RAB5A: variants seen among roughly 807,000 people sequenced by gnomAD.
The protein encoded by RAB5A is RAB5A, member RAS oncogene family, also known as ras-related protein Rab-5A.
A neutral mutation model predicts 25.7 loss-of-function variants in RAB5A; 8 were observed. That is an observed-to-expected ratio of 0.31 (90% confidence interval 0.18 to 0.56). The LOEUF is 0.56. RAB5A is among the 20% of genes least tolerant of loss of function. The pLI is 0.91. For missense variants in RAB5A, 192 were observed against 259.7 expected (o/e 0.74, Z 1.79); for synonymous variants, 98 against 89.8 (o/e 1.09, Z -0.52).
intron 5 of RAB5A, among the ~76,000 whole-genome samples, 181 bp from the exon 6 acceptor site, chr3:19,983,527 C>T (rs958539060): frequency 4.3e-4 from 65 of 152,128 alleles, no homozygotes; most frequent in African/African-American, 1.5e-3. Context: ...AATCAAACTC[C>T]CTAAGACAGC....
chr3:19,949,041 C>T (rs1011387141), intron 1 of RAB5A, among the ~76,000 whole-genome samples: 3 of 152,070 alleles, frequency 2.0e-5, no homozygotes, highest in African/African-American at 7.3e-5. Context: ...GTCACATCAG[C>T]TATGCAAGTT....
chr3:19,951,087 C>G (rs1290051935), intron 2 of RAB5A, 26 bp downstream of exon 2: 14 of 1,606,016 alleles, frequency 8.7e-6, no homozygotes, highest in Non-Finnish European at 1.2e-5. Flanking sequence ...TTCCCTGCTT[C>G]ATTTAATCGA....
chr3:19,947,554 GGGCCTGGAC>G (rs1696337725), intron 1 of RAB5A, 33 bp downstream of exon 1: 1 of 152,324 alleles, frequency 6.6e-6, no homozygotes, highest in South Asian at 2.1e-4. Flanking sequence ...TGCGCAGCGG[GGGCCTGGAC>G]CCCAGGTTAT....
intron 2 of RAB5A, among the ~76,000 whole-genome samples, chr3:19,967,291 A>C (rs991310859): frequency 6.6e-6 from 1 of 151,984 alleles, no homozygotes; most frequent in South Asian, 2.1e-4. Context: ...ATTACAGGCA[A>C]CCGCCACCAC....
At chr3:19,955,919 C>T (rs1381733294) in intron 2 of RAB5A, among the ~76,000 whole-genome samples, 5 of 151,820 alleles carry the variant, frequency 3.3e-5, no homozygotes, top group African/African-American at 1.2e-4. Flanking sequence ...GTTCATGCAA[C>T]TAACCTAGTT....
At chr3:19,970,289 G>C (rs183355029) in intron 2 of RAB5A, among the ~76,000 whole-genome samples, 1 of 152,230 alleles carries the variant, frequency 6.6e-6, no homozygotes, top group Admixed American at 6.5e-5. Flanking sequence ...TCTTCCCCTG[G>C]CTTACTGTTT....
At chr3:19,982,029 G>A (rs1696938445) in intron 5 of RAB5A, among the ~76,000 whole-genome samples, 2 of 151,690 alleles carry the variant, frequency 1.3e-5, no homozygotes, top group African/African-American at 4.8e-5. Context: ...GATCTTCAAG[G>A]CCAGGAGTTC....
At chr3:19,964,710 T>C (rs1255086671) in intron 2 of RAB5A, among the ~76,000 whole-genome samples, 2 of 152,050 alleles carry the variant, frequency 1.3e-5, no homozygotes, top group Admixed American at 1.3e-4. Context: ...GCCTCCCTGG[T>C]TCAAACGATT....
At position 19,950,886 on chromosome 3, in the gene RAB5A, T is replaced by G; in HGVS notation, c.-13T>G. The G allele has an allele frequency of 1.3e-6, 2 of 1,599,502 alleles. No homozygotes were observed. Among genetic ancestry groups the G allele is most frequent in the South Asian group, 2.2e-5 (2 of 89,446 alleles). On this transcript the variant is annotated 5_prime_UTR_variant, in exon 2 of 6. It adds an upstream start codon to the 5' untranslated region. Coordinates refer to ENST00000273047, the MANE Select transcript of RAB5A (RefSeq NM_004162.5). Reference sequence around the variant, plus strand: ...GAAGAGTCTGAAATTAGGGACTTATTTCAAATTTGGACATGGCTAGTCGAG... The same window carrying G: ...GAAGAGTCTGAAATTAGGGACTTATGTCAAATTTGGACATGGCTAGTCGAG...
At chr3:19,951,342 T>TA (rs1166756531) in intron 2 of RAB5A, 2 of 268,932 alleles carry the variant, frequency 7.4e-6, no homozygotes, top group Non-Finnish European at 1.4e-5. Flanking sequence ...TTTGACCTGA[T>TA]ACCTATTTCT....
At chr3:19,947,960 C>T (rs1364181024) in intron 1 of RAB5A, 1 of 152,228 alleles carries the variant, frequency 6.6e-6, no homozygotes, top group South Asian at 2.1e-4. Context: ...CAGGTGCTCT[C>T]CAAGCAGGAA....
chr3:19,969,049 T>TTG (rs1270105022), intron 2 of RAB5A, among the ~76,000 whole-genome samples: 2 of 141,324 alleles, frequency 1.4e-5, no homozygotes, highest in Non-Finnish European at 3.1e-5. Flanking sequence ...TTTTTGGTTT[T>TTG]TTTTTTTTTT....
intron 2 of RAB5A, among the ~76,000 whole-genome samples, chr3:19,955,621 C>T (rs904505869): frequency 1.3e-5 from 2 of 152,064 alleles, no homozygotes; most frequent in African/African-American, 2.4e-5. Flanking sequence ...TGACTGGGCG[C>T]GGTAGCTCAT....
intron 4 of RAB5A, among the ~76,000 whole-genome samples, chr3:19,977,368 C>T (rs1696842183): frequency 6.6e-6 from 1 of 152,166 alleles, no homozygotes; most frequent in South Asian, 2.1e-4. Flanking sequence ...GCCACCACGC[C>T]CGGCATACTT....
At chr3:19,976,943 A>G (rs1261190049) in intron 4 of RAB5A, among the ~76,000 whole-genome samples, 2 of 152,226 alleles carry the variant, frequency 1.3e-5, no homozygotes, top group African/African-American at 4.8e-5. Flanking sequence ...GCTAAAAACT[A>G]ATAATTAAAA....
rs769506586 is a variant in RAB5A, at chr3:19,976,136, C to T, written c.405C>T (p.Ala135=). The change falls in exon 4 of 6, where the codon GCC becomes GCT. Residue 135 remains alanine, a synonymous_variant. Coordinates refer to ENST00000273047, the MANE Select transcript of RAB5A (RefSeq NM_004162.5). ...TAATAGCTTTATCGGGAAACAAGGCCGACCTAGCAAATAAAAGAGCAGTAG... is the reference window on the plus strand; with the variant it reads ...TAATAGCTTTATCGGGAAACAAGGCTGACCTAGCAAATAAAAGAGCAGTAG... The part of the protein sequence containing the change: ...NIVIALSGNK[A]DLANKRAVDF... The T allele has an allele frequency of 2.9e-5, 47 of 1,610,694 alleles. No homozygotes were observed. The highest frequency in any genetic ancestry group is 1.6e-4 in the Middle Eastern group (1 of 6,066).
Position 19,983,989 on chromosome 3 carries a change from T to C in RAB5A, c.*166T>C, listed in dbSNP as rs1696983218. The C allele has an allele frequency of 1.7e-6, 1 of 577,752 alleles. No homozygotes were observed. The highest frequency in any genetic ancestry group is 3.1e-6 in the Non-Finnish European group (1 of 319,292). The allele number at this position is 577,752 out of a possible 1,614,324, so 35.8% of individuals were successfully genotyped here. A position where few individuals can be genotyped will look rare whatever the true frequency, so the allele number is the denominator to read the frequency against. On this transcript the variant is annotated 3_prime_UTR_variant, in exon 6 of 6. Coordinates refer to ENST00000273047, the MANE Select transcript of RAB5A (RefSeq NM_004162.5). ...TAAGTGTTTTGAACTTAATTTTTAA[T>C]AACATGCATGGGTCCCTCTCACTAA...
At chr3:19,982,817 G>A (rs1696956100) in intron 5 of RAB5A, among the ~76,000 whole-genome samples, 1 of 152,016 alleles carries the variant, frequency 6.6e-6, no homozygotes, top group African/African-American at 2.4e-5. Context: ...CAAAGGCTGT[G>A]GAAGCCAGGA....
At chr3:19,948,416 A>G (rs1190166330) in intron 1 of RAB5A, among the ~76,000 whole-genome samples, 2 of 152,252 alleles carry the variant, frequency 1.3e-5, no homozygotes, top group Admixed American at 6.5e-5. Flanking sequence ...TGTATAAACA[A>G]AGTAAATGGA....
Sources: allele counts gnomAD v4.1 joint callset (sites outside exome capture counted in the v4.1 genomes callset), GRCh38; gene constraint gnomAD v4.1.1; transcripts MANE v1.5; gene names NCBI Gene and HGNC (gene_info 2026-07-23, HGNC 2026-07-21).